Variants in LTBP1 observed in about 807,000 individuals in gnomAD.
The protein encoded by LTBP1 is latent-transforming growth factor beta-binding protein 1.
In LTBP1, 129 loss-of-function variants were observed where a neutral mutation model predicts 207.6. The ratio of observed to expected loss-of-function variants is 0.62; its 90% CI spans 0.54 to 0.72. The LOEUF (loss-of-function observed/expected upper bound fraction) is 0.72. Ranked by LOEUF, LTBP1 falls within the 30% of genes least tolerant of loss-of-function variation. The pLI is 0.00. For missense variants in LTBP1, 2,281 were observed against 2,217.2 expected (o/e 1.03, Z -0.58); for synonymous variants, 963 against 833.7 (o/e 1.16, Z -2.67).
At chr2:33,003,063 G>T (rs1238309814) in intron 2 of LTBP1, among the ~76,000 whole-genome samples, 2 of 152,226 alleles carry the variant, frequency 1.3e-5, no homozygotes, top group African/African-American at 4.8e-5. Flanking sequence ...ATGTTGGCAG[G>T]CTTCCTGAGT....
In LTBP1 at chr2:33,222,112, C is replaced by T. The variant is rs1314290279; in HGVS notation, c.1837C>T (p.Leu613=). The T allele has an allele frequency of 3.1e-6, 5 of 1,612,920 alleles. No individual in the cohort carries two copies. Among genetic ancestry groups the T allele is most frequent in the Non-Finnish European group, 4.2e-6 (5 of 1,178,898 alleles). Residue 613 remains leucine, a synonymous_variant, in exon 9 of 34, where the codon CTA becomes TTA. Coordinates refer to ENST00000404816, the MANE Select transcript of LTBP1 (RefSeq NM_206943.4). The part of the protein sequence containing the change: ...YHGYNQMMEC[L]PGYKRVNNTF... Reference sequence around the variant, plus strand: ...TGGATACAACCAAATGATGGAATGCCTACCGGGTTATAAGCGGGTTAACAA... The same window carrying T: ...TGGATACAACCAAATGATGGAATGCTTACCGGGTTATAAGCGGGTTAACAA...
intron 7 of LTBP1, among the ~76,000 whole-genome samples, chr2:33,201,190 C>T (rs1428636676): frequency 3.3e-5 from 5 of 152,104 alleles, no homozygotes; most frequent in South Asian, 2.1e-4. Context: ...ATGTTTATTG[C>T]GGCAGTATTC....
At chr2:33,170,199 G>A (rs4670186) in intron 5 of LTBP1, among the ~76,000 whole-genome samples, 71,427 of 151,946 alleles carry the variant, frequency 0.47, 17,131 homozygotes, top group Non-Finnish European at 0.51. Flanking sequence ...AGCAGGGCGA[G>A]GCATTGCCTC....
chr2:33,266,803 A>G (rs1286687925), intron 15 of LTBP1, among the ~76,000 whole-genome samples: 1 of 152,154 alleles, frequency 6.6e-6, no homozygotes, highest in Non-Finnish European at 1.5e-5. Flanking sequence ...CTCACCCTCC[A>G]GTTTTCTGTA....
intron 26 of LTBP1, among the ~76,000 whole-genome samples, chr2:33,348,657 T>C (rs1448449448): frequency 1.3e-5 from 2 of 152,212 alleles, no homozygotes; most frequent in African/African-American, 4.8e-5. Context: ...CCTATAGTGT[T>C]ATTTTGAATG....
intron 3 of LTBP1, among the ~76,000 whole-genome samples, chr2:33,040,744 A>G (rs1463822083): frequency 6.6e-6 from 1 of 152,144 alleles, no homozygotes; most frequent in Non-Finnish European, 1.5e-5. Context: ...TATTTACTGG[A>G]CAGCACAGGC....
intron 9 of LTBP1, among the ~76,000 whole-genome samples, chr2:33,231,649 C>T (rs2091797005): frequency 6.6e-6 from 1 of 152,102 alleles, no homozygotes; most frequent in Non-Finnish European, 1.5e-5. Flanking sequence ...GATAAATGAG[C>T]ACTAGAAAGT....
intron 2 of LTBP1, among the ~76,000 whole-genome samples, chr2:32,990,514 A>G (rs1207058502): frequency 6.6e-6 from 1 of 152,180 alleles, no homozygotes; most frequent in Non-Finnish European, 1.5e-5. Flanking sequence ...TTGGAGTCAT[A>G]TTATTCTTTA....
chr2:33,272,027 A>T (rs559962794), intron 15 of LTBP1, among the ~76,000 whole-genome samples: 2 of 152,360 alleles, frequency 1.3e-5, no homozygotes, highest in East Asian at 3.8e-4. Context: ...TTGTAAATAC[A>T]TGGGGTGTGC....
intron 7 of LTBP1, among the ~76,000 whole-genome samples, chr2:33,201,204 A>T (rs1257893204): frequency 1.3e-5 from 2 of 152,200 alleles, no homozygotes; most frequent in African/African-American, 4.8e-5. Flanking sequence ...AGTATTCACA[A>T]TAGCAAAGAC....
At chr2:33,307,908 G>A (rs900859262) in intron 22 of LTBP1, among the ~76,000 whole-genome samples, 4 of 152,128 alleles carry the variant, frequency 2.6e-5, no homozygotes, top group African/African-American at 9.7e-5. Flanking sequence ...CTGTTAATTG[G>A]TTGATTGGAT....
At chr2:33,227,157 T>C (rs2091487817) in intron 9 of LTBP1, among the ~76,000 whole-genome samples, 1 of 152,062 alleles carries the variant, frequency 6.6e-6, no homozygotes, top group Non-Finnish European at 1.5e-5. Flanking sequence ...TGCTTCAGCC[T>C]CCTGAGTAGC....
At chr2:33,207,066 C>T (rs1342569651) in intron 7 of LTBP1, among the ~76,000 whole-genome samples, 1 of 152,166 alleles carries the variant, frequency 6.6e-6, no homozygotes, top group Non-Finnish European at 1.5e-5. Context: ...ACACACATAT[C>T]ACAGCCTGGA....
At chr2:33,305,904 G>A (rs2094082495) in intron 22 of LTBP1, among the ~76,000 whole-genome samples, 1 of 152,144 alleles carries the variant, frequency 6.6e-6, no homozygotes, top group Admixed American at 6.5e-5. Context: ...TTAACCATGG[G>A]ATTTTTAGCA....
intron 7 of LTBP1, among the ~76,000 whole-genome samples, chr2:33,204,349 T>C (rs959220117): frequency 7.2e-5 from 11 of 152,258 alleles, no homozygotes; most frequent in Non-Finnish European, 1.0e-4. Flanking sequence ...TGGACACGTC[T>C]GTGAACAAGA....
At chr2:33,024,427 G>A (rs2149256050) in intron 3 of LTBP1, among the ~76,000 whole-genome samples, 1 of 152,306 alleles carries the variant, frequency 6.6e-6, no homozygotes, top group East Asian at 1.9e-4. Flanking sequence ...GTAGGGGTGA[G>A]GCAGAGGCTT....
intron 5 of LTBP1, among the ~76,000 whole-genome samples, chr2:33,147,148 T>G (rs780047949): frequency 6.6e-6 from 1 of 152,234 alleles, no homozygotes; most frequent in Non-Finnish European, 1.5e-5. Flanking sequence ...AATCTAGGAA[T>G]GCTCAAAAGG....
intron 9 of LTBP1, among the ~76,000 whole-genome samples, chr2:33,226,646 G>A (rs566865484): frequency 3.3e-4 from 50 of 152,116 alleles, no homozygotes; most frequent in Non-Finnish European, 5.6e-4. Flanking sequence ...AGGTTATTTC[G>A]AATTTTCTAG....
At position 33,365,402 on chromosome 2, in the gene LTBP1, G is replaced by A. The variant is rs778525245; in HGVS notation, c.4610G>A (p.Ser1537Asn). The A allele has an allele frequency of 1.2e-5, 20 of 1,614,070 alleles. No homozygotes were observed. The highest frequency in any genetic ancestry group is 1.7e-5 in the Non-Finnish European group (20 of 1,180,028). Residue 1537 changes from serine (S) to asparagine (N), a missense_variant, in exon 31 of 34, where the codon AGC becomes AAC. Physicochemically the swap from Ser to Asn is conservative, Grantham distance 46. Around this residue, in one of 3 missense-constraint regions of LTBP1, gnomAD observed 1,671 missense variants for 1,634.8 expected, o/e 1.02. Coordinates refer to ENST00000404816, the MANE Select transcript of LTBP1 (RefSeq NM_206943.4). ...CATCTGAGTGATGAATACGTGTGTAGCCGGCCTCTTGTGGGCAAGCAGACA... is the reference window on the plus strand; with the variant it reads ...CATCTGAGTGATGAATACGTGTGTAACCGGCCTCTTGTGGGCAAGCAGACA... The part of the protein sequence containing the change: ...WEHLSDEYVC[S>N]RPLVGKQTTY...
Sources: gnomAD v4.1 joint callset for allele counts (sites outside exome capture counted in the v4.1 genomes callset) on GRCh38, gnomAD v4.1.1 for gene constraint, gnomAD v4.1.1 regional missense constraint, MANE v1.5 for transcripts, NCBI Gene and HGNC (gene_info 2026-07-23, HGNC 2026-07-21) for gene names.